Variants in GJC1 observed in about 807,000 individuals in gnomAD.
GJC1 encodes gap junction gamma-1 protein.
Under a neutral mutation model 29.3 loss-of-function variants are expected in GJC1, and 5 were observed. The ratio of observed to expected loss-of-function variants is 0.17; its 90% CI spans 0.09 to 0.36. GJC1 has a LOEUF of 0.36. Ranked by LOEUF, GJC1 falls within the 10% of genes least tolerant of loss-of-function variation. The probability of loss-of-function intolerance (pLI) is 1.00; values close to 1 mark genes in which losing one functional copy is unlikely to be tolerated. For synonymous variants in GJC1, 177 were observed against 183.3 expected, an observed-to-expected ratio of 0.97 and a Z score of 0.28; for missense variants, 310 against 496.2, an observed-to-expected ratio of 0.62 and a Z score of 3.56.
rs141154743 is a variant in GJC1, at chr17:44,805,194, C to G, written c.624G>C (p.Val208=). 4.5e-5 allele frequency: 72 copies of G among 1,614,136 alleles called. No individual in the cohort carries two copies. The African/African-American group carries it at 9.5e-4, about 21-fold the overall frequency. ...LYGFQVHPFY[V]CSRLPCPHKI... ...TATGAGGACAAGGAAGTCTGCTGCA[C>G]ACATAAAACGGGTGGACTTGGAAGC... is the stretch of plus-strand genomic sequence containing the variant. The change falls in exon 3 of 3, where the codon GTG becomes GTC. Residue 208 remains valine (V), a synonymous_variant. Coordinates refer to ENST00000592524, the MANE Select transcript of GJC1 (RefSeq NM_005497.4). This position sits in a 1 kb window ranked among gnomAD's most constrained non-coding sequence, Gnocchi z 5.1.
At chr17:44,809,912 G>A (rs2049956065) in intron 1 of GJC1, among the ~76,000 whole-genome samples, 1 of 148,354 alleles carries the variant, frequency 6.7e-6, no homozygotes, top group African/African-American at 2.5e-5. Context: ...AAGCTGGAGT[G>A]CAGTGGCATG....
At position 44,805,043 on chromosome 17, in the gene GJC1, G is replaced by A; in HGVS notation, c.775C>T (p.Arg259Ter). The change falls in exon 3 of 3, where the codon CGA becomes TGA. Residue 259 changes from arginine (R) to a stop codon, truncating the protein, a stop_gained. Coordinates refer to ENST00000592524, the MANE Select transcript of GJC1 (RefSeq NM_005497.4). LOFTEE classifies it high-confidence loss of function. The surrounding 1 kb of genome is among the most constrained non-coding windows in gnomAD (Gnocchi z 5.1). ...EMLHLGFGTI[R>*]DSLNSKRREL... Reference sequence around the variant, plus strand: ...CTCCTTTTACTGTTTAGTGAGTCTCGAATGGTCCCAAACCCTAAATGAAGC... The same window carrying A: ...CTCCTTTTACTGTTTAGTGAGTCTCAAATGGTCCCAAACCCTAAATGAAGC... The A allele has an allele frequency of 6.2e-7, 1 of 1,613,964 alleles. No homozygotes were observed. The highest frequency in any genetic ancestry group is 8.5e-7 in the Non-Finnish European group (1 of 1,180,012).
In GJC1 at chr17:44,801,527, C is replaced by T. The variant is rs2049845393; in HGVS notation, c.*3100G>A. 6.6e-6 allele frequency: 1 copy of T among 152,078 alleles called. No homozygotes were observed. The highest frequency in any genetic ancestry group is 1.5e-5 in the Non-Finnish European group (1 of 68,016). 9.4% of individuals were successfully genotyped at this position (152,078 alleles called of 1,614,324 possible). ...TTTATACAAATCCCACCTGCATGAT[C>T]CAGAACAATATTCTTACAGATTCAA... On this transcript the variant is annotated 3_prime_UTR_variant, in exon 3 of 3. Coordinates refer to ENST00000592524, the MANE Select transcript of GJC1 (RefSeq NM_005497.4).
In GJC1 at chr17:44,803,494, C is replaced by A. The variant is rs1411449599; in HGVS notation, c.*1133G>T. Reference sequence around the variant, plus strand: ...CCCATGACCTTTCAGGCATAAACCTCCACTGGCAGAAGTAAGAATTTAATC... The same window carrying A: ...CCCATGACCTTTCAGGCATAAACCTACACTGGCAGAAGTAAGAATTTAATC... On this transcript the variant is annotated 3_prime_UTR_variant, in exon 3 of 3. Coordinates refer to ENST00000592524, the MANE Select transcript of GJC1 (RefSeq NM_005497.4). 1 of 152,190 alleles carries A rather than the reference C, an allele frequency of 6.6e-6. No homozygotes were observed. The highest frequency in any genetic ancestry group is 1.5e-5 in the Non-Finnish European group (1 of 68,036). The allele number at this position is 152,190 out of a possible 1,614,324, so 9.4% of individuals were successfully genotyped here.
At chr17:44,817,255 T>C (rs1023680742) in intron 1 of GJC1, among the ~76,000 whole-genome samples, 3 of 152,092 alleles carry the variant, frequency 2.0e-5, no homozygotes, top group African/African-American at 7.2e-5. Context: ...CCTAAAATCA[T>C]CTACTTATTA....
intron 1 of GJC1, among the ~76,000 whole-genome samples, chr17:44,823,738 G>A (rs1260349115): frequency 2.0e-5 from 3 of 149,988 alleles, no homozygotes; most frequent in African/African-American, 7.4e-5. Flanking sequence ...TTGAGATGGA[G>A]TCTTGTTCTG....
At chr17:44,829,787 C>T (rs1283997076) in intron 1 of GJC1, 1 of 152,074 alleles carries the variant, frequency 6.6e-6, no homozygotes, top group Non-Finnish European at 1.5e-5. Context: ...ACCCCCGAGC[C>T]GTTTCCCTCC....
chr17:44,814,260 C>A (rs1257177451), intron 1 of GJC1, among the ~76,000 whole-genome samples: 1 of 151,974 alleles, frequency 6.6e-6, no homozygotes. Context: ...CCCGCCTCAG[C>A]CTCCCGAGAA....
chr17:44,804,887 A>G lies in GJC1; in HGVS notation c.931T>C (p.Tyr311His), dbSNP rs752195773. 2 of 1,614,142 alleles carry G rather than the reference A, an allele frequency of 1.2e-6. No homozygotes were observed. The highest frequency in any genetic ancestry group is 2.2e-5 in the South Asian group (2 of 91,088). The change falls in exon 3 of 3, where the codon TAC (tyrosine) becomes CAC (histidine). Residue 311 changes from tyrosine to histidine, a missense_variant. Physicochemically the swap from Tyr to His is moderately conservative, Grantham distance 83. Coordinates refer to ENST00000592524, the MANE Select transcript of GJC1 (RefSeq NM_005497.4). ...YTELSNAKIA[Y>H]KQNKANTAQE... is the part of the protein sequence containing the mutation. ...GCTGTGTTGGCCTTGTTTTGCTTGT[A>G]GGCGATCTTAGCATTGGACAGTTCG... is the stretch of plus-strand genomic sequence containing the variant.
At chr17:44,816,613 T>C (rs1220250255) in intron 1 of GJC1, among the ~76,000 whole-genome samples, 1 of 152,098 alleles carries the variant, frequency 6.6e-6, no homozygotes, top group Non-Finnish European at 1.5e-5. Flanking sequence ...GCAATTCTCC[T>C]GCCTCAGTCA....
intron 1 of GJC1, among the ~76,000 whole-genome samples, chr17:44,819,286 T>C (rs1409165420): frequency 6.6e-6 from 1 of 152,212 alleles, no homozygotes; most frequent in Non-Finnish European, 1.5e-5. Flanking sequence ...TGGAATTATA[T>C]ATTTGTCTTT....
chr17:44,795,687 C>T (rs1211345556), downstream of GJC1, among the ~76,000 whole-genome samples: 1 of 152,226 alleles, frequency 6.6e-6, no homozygotes, highest in Non-Finnish European at 1.5e-5. Flanking sequence ...GGCTCTGACC[C>T]CAAGACAGTG....
chr17:44,828,219 G>A (rs1396875641), intron 1 of GJC1, among the ~76,000 whole-genome samples: 1 of 152,176 alleles, frequency 6.6e-6, no homozygotes, highest in African/African-American at 2.4e-5. Flanking sequence ...CTGGAGATAT[G>A]TTAATTAAGT....
upstream of GJC1, among the ~76,000 whole-genome samples, chr17:44,831,025 C>A (rs1169637082): frequency 2.6e-5 from 4 of 152,132 alleles, no homozygotes; most frequent in African/African-American, 9.7e-5. Flanking sequence ...TAAAGGAAGG[C>A]TCAGTAAAGA....
Position 44,812,082 on chromosome 17 carries a change from A to C in GJC1, c.-96-4613T>G, listed in dbSNP as rs550778595. ...GTAATGCCAGCACTTTGGGAGCCCAAGGCGGATGGATCACGAGGTCAGGAG... is the reference window on the plus strand; with the variant it reads ...GTAATGCCAGCACTTTGGGAGCCCACGGCGGATGGATCACGAGGTCAGGAG... On this transcript the variant is annotated intron_variant, in intron 1 of 2. Coordinates refer to ENST00000592524, the MANE Select transcript of GJC1 (RefSeq NM_005497.4). 3.9e-5 allele frequency among the ~76,000 whole-genome samples: 6 copies of C among 152,242 alleles called. No homozygotes were observed. The South Asian group carries it at 1.2e-3, about 32-fold the overall frequency.
chr17:44,828,821 C>T (rs1386018491), intron 1 of GJC1, among the ~76,000 whole-genome samples: 1 of 151,958 alleles, frequency 6.6e-6, no homozygotes, highest in African/African-American at 2.4e-5. Context: ...CTCTTTTACT[C>T]TGAATAATAC....
At chr17:44,818,531 C>T (rs1296623481) in intron 1 of GJC1, among the ~76,000 whole-genome samples, 1 of 146,104 alleles carries the variant, frequency 6.8e-6, no homozygotes, top group Admixed American at 6.8e-5. Context: ...AAAGGCCAGG[C>T]ATGGTGGCTC....
chr17:44,797,155 G>A (rs1471604721), downstream of GJC1, among the ~76,000 whole-genome samples: 2 of 151,964 alleles, frequency 1.3e-5, no homozygotes, highest in Admixed American at 6.6e-5. Flanking sequence ...GCCCAGGCTG[G>A]AGTGCAGTGG....
chr17:44,815,064 A>T (rs2050027405), intron 1 of GJC1, among the ~76,000 whole-genome samples: 1 of 152,140 alleles, frequency 6.6e-6, no homozygotes, highest in Admixed American at 6.5e-5. Flanking sequence ...TCTCATGAAT[A>T]AAAAATCATG....
Sources: allele counts gnomAD v4.1 joint callset (sites outside exome capture counted in the v4.1 genomes callset), GRCh38; gene constraint gnomAD v4.1.1; non-coding constraint Gnocchi (gnomAD v3.1); transcripts MANE v1.5; gene names NCBI Gene and HGNC (gene_info 2026-07-23, HGNC 2026-07-21).